LHPP: variants seen among roughly 807,000 people sequenced by gnomAD.
The protein encoded by LHPP is phospholysine phosphohistidine inorganic pyrophosphate phosphatase.
A neutral mutation model predicts 30.3 loss-of-function variants in LHPP; 24 were observed. That is an observed-to-expected ratio of 0.79 (90% CI 0.57 to 1.11). LHPP has a LOEUF of 1.11. Ranked by LOEUF, LHPP falls within the 50% of genes most tolerant of loss-of-function variation. The pLI is 0.00. For synonymous variants in LHPP, 150 were observed against 157.1 expected (o/e 0.95, Z 0.34); for missense variants, 356 against 367.2 (o/e 0.97, Z 0.25).
chr10:124,551,938 C>T lies in LHPP; in HGVS notation c.716+34667C>T, dbSNP rs139895233. ...TTTTCCACCAGGGACCGTGCTGAGG[C>T]CCAGGGCCCTGAGACCCTCAGGCCC... is the stretch of plus-strand genomic sequence containing the variant. On this transcript the variant is annotated intron_variant, in intron 6 of 6. Coordinates refer to ENST00000368842, the MANE Select transcript of LHPP (RefSeq NM_022126.4). Among the ~76,000 whole-genome samples the T allele has an allele frequency of 6.9e-3, 1,056 of 152,138 alleles. 15 individuals carry two copies. Among genetic ancestry groups the T allele is most frequent in the African/African-American group, 0.022 (911 of 41,448 alleles).
chr10:124,464,761 C>T (rs987715439), intron 1 of LHPP, among the ~76,000 whole-genome samples: 2 of 152,270 alleles, frequency 1.3e-5, no homozygotes, highest in Admixed American at 6.5e-5. Context: ...GCAGGCAAGG[C>T]CTCATGGGAG....
intron 6 of LHPP, among the ~76,000 whole-genome samples, chr10:124,547,032 C>T (rs117129145): frequency 0.22 from 296 of 1,358 alleles, no homozygotes; most frequent in South Asian, 0.3. Flanking sequence ...CACACACACA[C>T]GCACACGCGC....
intron 6 of LHPP, among the ~76,000 whole-genome samples, chr10:124,547,999 G>GC (rs1293122193): frequency 6.6e-6 from 1 of 152,244 alleles, no homozygotes; most frequent in African/African-American, 2.4e-5. Flanking sequence ...GTGAGCCTGG[G>GC]CCGGGGTGTG....
At chr10:124,522,274 T>G (rs1472101150) in intron 6 of LHPP, among the ~76,000 whole-genome samples, 1 of 152,108 alleles carries the variant, frequency 6.6e-6, no homozygotes, top group Non-Finnish European at 1.5e-5. Flanking sequence ...GCCTTCTGGG[T>G]GTTCCCTGCC....
At chr10:124,559,570 G>A (rs1298777143) in intron 6 of LHPP, among the ~76,000 whole-genome samples, 1 of 152,278 alleles carries the variant, frequency 6.6e-6, no homozygotes, top group African/African-American at 2.4e-5. Context: ...CAGAGGTGAG[G>A]CTGGTGAGGC....
intron 1 of LHPP, among the ~76,000 whole-genome samples, chr10:124,477,458 G>T (rs923695342): frequency 6.6e-6 from 1 of 152,196 alleles, no homozygotes; most frequent in African/African-American, 2.4e-5. Flanking sequence ...GGAGGCTGAA[G>T]CCTGATGTGG....
chr10:124,497,910 C>T, intron 4 of LHPP, 126 bp from the exon 5 acceptor site: 1 of 750,136 alleles, frequency 1.3e-6, no homozygotes, highest in South Asian at 1.6e-5. Context: ...GTTCTCAGGC[C>T]CACAGCATCC....
intron 6 of LHPP, among the ~76,000 whole-genome samples, chr10:124,556,986 T>G (rs1410580905): frequency 6.6e-6 from 1 of 152,180 alleles, no homozygotes; most frequent in Admixed American, 6.5e-5. Context: ...GAGACCAGCC[T>G]GAAGATGCTA....
chr10:124,550,036 G>A (rs368956252), intron 6 of LHPP, among the ~76,000 whole-genome samples: 1 of 152,372 alleles, frequency 6.6e-6, no homozygotes, highest in African/African-American at 2.4e-5. Context: ...GATGGGCCAG[G>A]CTTCCAGCCA....
chr10:124,513,825 A>G (rs1416775570), intron 5 of LHPP, among the ~76,000 whole-genome samples: 1 of 151,436 alleles, frequency 6.6e-6, no homozygotes, highest in African/African-American at 2.4e-5. Flanking sequence ...CATTTAAGCA[A>G]TAACACATGT....
chr10:124,513,590 G>A (rs1325481815), intron 5 of LHPP, among the ~76,000 whole-genome samples: 1 of 145,498 alleles, frequency 6.9e-6, no homozygotes, highest in Non-Finnish European at 1.5e-5. Context: ...TCAGCCTCCC[G>A]AGTATCTGGG....
intron 5 of LHPP, among the ~76,000 whole-genome samples, chr10:124,514,391 A>G (rs1306322458): frequency 6.7e-6 from 1 of 150,068 alleles, no homozygotes; most frequent in Admixed American, 6.6e-5. Context: ...TTGGTGATGA[A>G]TTATTTCCGC....
intron 1 of LHPP, among the ~76,000 whole-genome samples, chr10:124,465,073 C>T (rs975372169): frequency 2.0e-5 from 3 of 151,938 alleles, no homozygotes; most frequent in Admixed American, 1.3e-4. Context: ...GGTGTGAAGA[C>T]GGGAGGGTAC....
intron 6 of LHPP, among the ~76,000 whole-genome samples, chr10:124,584,015 T>C (rs1047080902): frequency 3.3e-5 from 5 of 152,234 alleles, no homozygotes; most frequent in South Asian, 2.1e-4. Context: ...TAATTCCATA[T>C]GAATTTTAGA....
In LHPP at chr10:124,593,604, G is replaced by A. The variant is rs962887043; in HGVS notation, c.717-19660G>A. On this transcript the variant is annotated intron_variant, in intron 6 of 6. Transcript: ENST00000368842. The surrounding 1 kb of genome is among the most constrained non-coding windows in gnomAD (Gnocchi z 4.9). ...CATGAGGTCTTCCCCAAGTGGCCCCGAGTGAGGCACCACCATGGACCTGAT... is the reference window on the plus strand; with the variant it reads ...CATGAGGTCTTCCCCAAGTGGCCCCAAGTGAGGCACCACCATGGACCTGAT... 8.5e-5 allele frequency among the ~76,000 whole-genome samples: 13 copies of A among 152,314 alleles called. 1 individual carries two copies. In the East Asian group the frequency reaches 2.1e-3, roughly 25 times the overall value.
At chr10:124,547,302 A>G (rs1955373443) in intron 6 of LHPP, among the ~76,000 whole-genome samples, 1 of 152,144 alleles carries the variant, frequency 6.6e-6, no homozygotes. Flanking sequence ...TTTTCATTAC[A>G]AACAAAAAAA....
chr10:124,599,213 A>T (rs894907710), intron 6 of LHPP, among the ~76,000 whole-genome samples: 1 of 150,816 alleles, frequency 6.6e-6, no homozygotes, highest in Non-Finnish European at 1.5e-5. Context: ...ATCCGTCCCC[A>T]GCCATCCATC....
Position 124,496,369 on chromosome 10 carries a change from C to T in LHPP, c.468-592C>T, listed in dbSNP as rs1953709297. On this transcript the variant is annotated intron_variant, in intron 3 of 6. Transcript: ENST00000368842. The surrounding 1 kb of genome is among the most constrained non-coding windows in gnomAD (Gnocchi z 4.3). ...GTGAGGCCATTTTGAGAGAGGAATG[C>T]TCCCTCGTGCAGAGCCTGTCTCCAC... Among the ~76,000 whole-genome samples, 1 of 152,126 alleles carries T rather than the reference C, an allele frequency of 6.6e-6. No homozygotes were observed. The highest frequency in any genetic ancestry group is 6.5e-5 in the Admixed American group (1 of 15,276).
chr10:124,499,179 C>G (rs926737242), intron 5 of LHPP, among the ~76,000 whole-genome samples: 1 of 151,872 alleles, frequency 6.6e-6, no homozygotes, highest in Non-Finnish European at 1.5e-5. Flanking sequence ...CATGCCCAGC[C>G]CCGGCTAACT....
Sources: allele counts gnomAD v4.1 joint callset (sites outside exome capture counted in the v4.1 genomes callset), GRCh38; gene constraint gnomAD v4.1.1; non-coding constraint Gnocchi (gnomAD v3.1); transcripts MANE v1.5; gene names NCBI Gene and HGNC (gene_info 2026-07-23, HGNC 2026-07-21).